Variants in PINX1 observed in about 807,000 individuals in gnomAD.
PINX1 encodes the protein PIN2/TERF1-interacting telomerase inhibitor 1.
A neutral mutation model predicts 25.4 loss-of-function variants in PINX1; 34 were observed. The ratio of observed to expected loss-of-function variants is 1.34; its 90% CI spans 1.02 to 1.78. PINX1 has a LOEUF of 1.78. Ranked by LOEUF, PINX1 falls within the 40% of genes most tolerant of loss-of-function variation. The probability of loss-of-function intolerance (pLI) is 0.00; values close to 1 mark genes in which losing one functional copy is unlikely to be tolerated. For synonymous variants in PINX1, 197 were observed against 147.7 expected (o/e 1.33, Z -2.42); for missense variants, 592 against 404.9 (o/e 1.46, Z -3.97).
intron 6 of PINX1, among the ~76,000 whole-genome samples, chr8:10,782,285 G>C (rs1801609487): frequency 6.6e-6 from 1 of 152,148 alleles, no homozygotes; most frequent in African/African-American, 2.4e-5. Flanking sequence ...TGTGGGGACT[G>C]TGGCTAATAA....
chr8:10,833,093 A>C (rs1316551763), intron 2 of PINX1, 109 bp from the exon 3 acceptor site: 4 of 623,976 alleles, frequency 6.4e-6, no homozygotes, highest in African/African-American at 5.6e-5. Flanking sequence ...TGAGTTGATG[A>C]TTCTCTCCAT....
chr8:10,836,125 C>T (rs974556753), intron 1 of PINX1, among the ~76,000 whole-genome samples: 3 of 152,024 alleles, frequency 2.0e-5, no homozygotes, highest in Non-Finnish European at 4.4e-5. Flanking sequence ...ATAACATGAC[C>T]CCCTGTCAAA....
chr8:10,770,589 T>C (rs530044205), intron 6 of PINX1, among the ~76,000 whole-genome samples: 34 of 152,218 alleles, frequency 2.2e-4, no homozygotes, highest in Non-Finnish European at 3.5e-4. Context: ...ATGGAGGACT[T>C]TGCTCTTGTG....
chr8:10,801,335 C>G (rs1251039960), intron 6 of PINX1, among the ~76,000 whole-genome samples: 3 of 152,226 alleles, frequency 2.0e-5, no homozygotes, highest in Non-Finnish European at 1.5e-5. Context: ...CTTACTTCCT[C>G]CAAGAAAATG....
rs193127309 is a variant in PINX1 at position 10,802,244 on chromosome 8, G to T, written c.471+17949C>A. Among the ~76,000 whole-genome samples the T allele has an allele frequency of 2.4e-4, 37 of 152,274 alleles. No homozygotes were observed. The East Asian group carries it at 7.0e-3, about 29-fold the overall frequency. ...CCCCTGGAACAGAGAATTGCTTTAG[G>T]GGGAAGCTCACAAGGCTGACCGCAC... On this transcript the variant is annotated intron_variant, in intron 6 of 6. Coordinates refer to ENST00000314787, the MANE Select transcript of PINX1 (RefSeq NM_017884.6).
chr8:10,814,066 G>A (rs1797618683), intron 6 of PINX1, among the ~76,000 whole-genome samples: 1 of 152,290 alleles, frequency 6.6e-6, no homozygotes, highest in South Asian at 2.1e-4. Context: ...AGTACCTGCT[G>A]CAGGTCTCAA....
intron 6 of PINX1, among the ~76,000 whole-genome samples, chr8:10,786,191 T>C (rs149129274): frequency 1.9e-3 from 294 of 152,358 alleles, no homozygotes; most frequent in Non-Finnish European, 3.2e-3. Flanking sequence ...TGCCAATATA[T>C]TTAAAGAGAC....
chr8:10,793,246 A>G (rs1000716662), intron 6 of PINX1, among the ~76,000 whole-genome samples: 11 of 152,206 alleles, frequency 7.2e-5, no homozygotes, highest in African/African-American at 2.7e-4. Context: ...TATCTACATA[A>G]TGCTCAATTA....
chr8:10,811,946 A>G (rs1159302703), intron 6 of PINX1, among the ~76,000 whole-genome samples: 4 of 152,152 alleles, frequency 2.6e-5, no homozygotes, highest in Non-Finnish European at 2.9e-5. Flanking sequence ...CACTTAGAAG[A>G]GCATGTGGAA....
intron 6 of PINX1, among the ~76,000 whole-genome samples, chr8:10,771,798 T>C (rs769126937): frequency 6.6e-5 from 10 of 152,284 alleles, no homozygotes; most frequent in Non-Finnish European, 1.3e-4. Flanking sequence ...ATTCCTCCCA[T>C]CCACATGAAA....
intron 6 of PINX1, among the ~76,000 whole-genome samples, chr8:10,804,042 T>A (rs556242454): frequency 6.6e-6 from 1 of 152,182 alleles, no homozygotes; most frequent in East Asian, 1.9e-4. Flanking sequence ...AGTGAGCAAC[T>A]ACTAACGACC....
At position 10,794,309 on chromosome 8, in the gene PINX1, A is replaced by G. The variant is rs544705915; in HGVS notation, c.471+25884T>C. ...AAACATACAGATCTTAAAATTTCAA[A>G]TATTTCCGTTAACCTACACAGAAAA... On this transcript the variant is annotated intron_variant, in intron 6 of 6. Transcript: ENST00000314787. Among the ~76,000 whole-genome samples, 9 of 152,348 alleles carry G rather than the reference A, an allele frequency of 5.9e-5. No homozygotes were observed. The South Asian group carries it at 1.2e-3, about 21-fold the overall frequency.
chr8:10,835,647 T>G (rs948397616), intron 1 of PINX1, among the ~76,000 whole-genome samples: 4 of 152,198 alleles, frequency 2.6e-5, no homozygotes, highest in Non-Finnish European at 5.9e-5. Context: ...CATCATCTCC[T>G]TAGGGCTCAT....
At chr8:10,826,310 G>A in intron 4 of PINX1, 66 bp from the exon 5 acceptor site, 4 of 856,514 alleles carry the variant, frequency 4.7e-6, no homozygotes, top group Non-Finnish European at 7.2e-6. Context: ...TCTCCTAACA[G>A]TGGATAGTCT....
In PINX1 at chr8:10,839,757, G is replaced by GTCGGAGAGCC. The variant is rs1563244582; in HGVS notation, c.-11_-2dup. 6 of 1,604,428 alleles carry GTCGGAGAGCC rather than the reference G, an allele frequency of 3.7e-6. No homozygotes were observed. The Admixed American group carries it at 1.0e-4, about 27-fold the overall frequency. On this transcript the variant is annotated 5_prime_UTR_variant, in exon 1 of 7. Coordinates refer to ENST00000314787, the MANE Select transcript of PINX1 (RefSeq NM_017884.6). ...ACTCACGTTCAGCCAGCATAGACAT[G>GTCGGAGAGCC]TCGGAGAGCCTGTGATACCGCCGCC...
intron 6 of PINX1, among the ~76,000 whole-genome samples, chr8:10,776,070 A>T (rs1325328713): frequency 6.6e-6 from 1 of 152,188 alleles, no homozygotes; most frequent in Non-Finnish European, 1.5e-5. Context: ...TCTAGCATTC[A>T]TTATAGCCTA....
At chr8:10,823,233 C>T (rs992052481) in intron 5 of PINX1, among the ~76,000 whole-genome samples, 3 of 152,232 alleles carry the variant, frequency 2.0e-5, no homozygotes, top group Non-Finnish European at 4.4e-5. Context: ...AGCCGAGCAC[C>T]TGCACATGCG....
chr8:10,794,667 C>T (rs939600987), intron 6 of PINX1, among the ~76,000 whole-genome samples: 3 of 152,064 alleles, frequency 2.0e-5, no homozygotes, highest in Admixed American at 6.5e-5. Context: ...CCTTGTGATC[C>T]GTCCGATCAC....
intron 6 of PINX1, among the ~76,000 whole-genome samples, chr8:10,812,882 G>T (rs781540679): frequency 9.2e-5 from 14 of 152,200 alleles, no homozygotes; most frequent in Non-Finnish European, 1.8e-4. Context: ...TTTGGCTTAG[G>T]TTAAACTTGT....
Sources: gnomAD v4.1 joint callset for allele counts (sites outside exome capture counted in the v4.1 genomes callset) on GRCh38, gnomAD v4.1.1 for gene constraint, MANE v1.5 for transcripts, NCBI Gene and HGNC (gene_info 2026-07-23, HGNC 2026-07-21) for gene names.